RBFOX1: variants seen among roughly 807,000 people sequenced by gnomAD.
RBFOX1 encodes the protein RNA binding protein fox-1 homolog 1.
Under a neutral mutation model 57.7 loss-of-function variants are expected in RBFOX1, and 8 were observed. The ratio of observed to expected loss-of-function variants is 0.14; its 90% CI spans 0.08 to 0.25. The LOEUF is 0.25. Ranked by LOEUF, RBFOX1 falls within the 10% of genes least tolerant of loss-of-function variation. The pLI is 1.00. For synonymous variants in RBFOX1, 326 were observed against 222.4 expected, an observed-to-expected ratio of 1.47 and a Z score of -4.15; for missense variants, 611 against 548.5, an observed-to-expected ratio of 1.11 and a Z score of -1.14.
intron 2 of RBFOX1, among the ~76,000 whole-genome samples, chr16:6,486,830 C>T (rs553186958): frequency 6.6e-6 from 1 of 151,988 alleles, no homozygotes; most frequent in East Asian, 1.9e-4. Flanking sequence ...CAGTAGTCAA[C>T]AGGAGCAAAT....
chr16:6,511,970 C>G (rs1457236085), intron 2 of RBFOX1, among the ~76,000 whole-genome samples: 3 of 152,038 alleles, frequency 2.0e-5, no homozygotes, highest in African/African-American at 7.2e-5. Context: ...AGACTTACCC[C>G]TACAGGGATA....
rs377173513 is a variant in RBFOX1, at chr16:5,972,684, C to G, written c.351+105349C>G. 5.8e-4 allele frequency among the ~76,000 whole-genome samples: 89 copies of G among 152,258 alleles called. 1 individual carries two copies. The highest frequency in any genetic ancestry group is 2.0e-3 in the African/African-American group (84 of 41,554). On this transcript the variant is annotated intron_variant, in intron 4 of 19. Transcript: ENST00000641259. ...ATGTCCTGTTCATTATTTGACCTTA[C>G]GGTGGCTCAGGACCTGCCTGCCTCA...
intron 4 of RBFOX1, among the ~76,000 whole-genome samples, chr16:7,169,114 T>A (rs1344744126): frequency 6.6e-6 from 1 of 152,202 alleles, no homozygotes; most frequent in Non-Finnish European, 1.5e-5. Context: ...GCAGGAAAAA[T>A]GTGAAGTTCT....
intron 3 of RBFOX1, among the ~76,000 whole-genome samples, chr16:5,656,737 T>C (rs555513686): frequency 5.9e-5 from 9 of 152,346 alleles, no homozygotes; most frequent in African/African-American, 2.2e-4. Flanking sequence ...ACTCATTCTT[T>C]TTTATGGCTG....
At chr16:6,478,809 T>C (rs1044096169) in intron 2 of RBFOX1, among the ~76,000 whole-genome samples, 5 of 152,108 alleles carry the variant, frequency 3.3e-5, no homozygotes, top group African/African-American at 1.2e-4. Flanking sequence ...TGCCATCTTA[T>C]ATGGGCACAG....
At chr16:6,392,760 CTTTG>C in intron 2 of RBFOX1, among the ~76,000 whole-genome samples, 1 of 152,306 alleles carries the variant, frequency 6.6e-6, no homozygotes, top group East Asian at 1.9e-4. Flanking sequence ...TCCCTCCTTC[CTTTG>C]CAGGAATTAA....
intron 4 of RBFOX1, among the ~76,000 whole-genome samples, chr16:7,274,904 G>C (rs989983071): frequency 6.6e-6 from 1 of 151,834 alleles, no homozygotes; most frequent in African/African-American, 2.4e-5. Context: ...AGGCTGTCTC[G>C]AGCTCTTGGC....
chr16:5,553,970 C>CT (rs36068724), intron 2 of RBFOX1, among the ~76,000 whole-genome samples: 3,113 of 133,486 alleles, frequency 0.023, 75 homozygotes, highest in East Asian at 0.13. Context: ...AACACGTATT[C>CT]TTTTTTTTTT....
chr16:5,919,637 T>A (rs929608760), intron 4 of RBFOX1, among the ~76,000 whole-genome samples: 1 of 152,006 alleles, frequency 6.6e-6, no homozygotes, highest in Non-Finnish European at 1.5e-5. Flanking sequence ...TTATATAATA[T>A]AAAGTTAACC....
chr16:6,418,519 A>ATTTTTTTT (rs567448072), intron 2 of RBFOX1, among the ~76,000 whole-genome samples: 3 of 100,958 alleles, frequency 3.0e-5, no homozygotes, highest in African/African-American at 1.2e-4. Context: ...TGCAAGCCTT[A>ATTTTTTTT]TTTTTTTTTT....
At chr16:6,159,999 A>G (rs761559540) in intron 1 of RBFOX1, among the ~76,000 whole-genome samples, 2 of 152,124 alleles carry the variant, frequency 1.3e-5, no homozygotes, top group African/African-American at 4.8e-5. Flanking sequence ...ACCTCTTCCC[A>G]CCACAGGTCA....
rs116144069 is a variant in RBFOX1, at chr16:7,624,105, T to A, written c.677-6498T>A. Among the ~76,000 whole-genome samples the A allele has an allele frequency of 2.4e-3, 372 of 152,314 alleles. 1 individual carries two copies. The highest frequency in any genetic ancestry group is 8.5e-3 in the African/African-American group (355 of 41,562). On this transcript the variant is annotated intron_variant, in intron 10 of 15. Coordinates refer to ENST00000550418, the MANE Select transcript of RBFOX1 (RefSeq NM_018723.4). ...TAAGGTTTTTGGTAAAGGACTTAGT[T>A]GTTCTGTGCCACCTTTGTAATGCCA...
At chr16:6,274,521 G>T (rs181612867) in intron 1 of RBFOX1, among the ~76,000 whole-genome samples, 143 of 152,296 alleles carry the variant, frequency 9.4e-4, no homozygotes, top group African/African-American at 2.9e-3. Flanking sequence ...ATTGCCAGGG[G>T]TTGAGAGGAG....
intron 1 of RBFOX1, among the ~76,000 whole-genome samples, chr16:6,217,265 C>G (rs1295119365): frequency 7.4e-6 from 1 of 134,308 alleles, no homozygotes; most frequent in Admixed American, 8.8e-5. Flanking sequence ...TATTTGAGAA[C>G]AAAAATGTTG....
At chr16:6,049,116 G>A (rs1364967724) in intron 1 of RBFOX1, among the ~76,000 whole-genome samples, 2 of 142,926 alleles carry the variant, frequency 1.4e-5, no homozygotes, top group Non-Finnish European at 3.0e-5. Context: ...AGGCTGGAGT[G>A]CAATGGCATG....
chr16:7,645,894 G>A (rs2143953036), intron 11 of RBFOX1, among the ~76,000 whole-genome samples: 1 of 151,758 alleles, frequency 6.6e-6, no homozygotes, highest in South Asian at 2.1e-4. Context: ...GGCCGTTTTG[G>A]TCTTTCTATC....
chr16:6,745,008 C>G (rs997988795), intron 3 of RBFOX1, among the ~76,000 whole-genome samples: 2 of 151,932 alleles, frequency 1.3e-5, no homozygotes, highest in African/African-American at 4.8e-5. Flanking sequence ...GGCATCACTA[C>G]AGACTCTATA....
At chr16:6,395,486 C>T (rs1043215595) in intron 2 of RBFOX1, among the ~76,000 whole-genome samples, 2 of 151,780 alleles carry the variant, frequency 1.3e-5, no homozygotes, top group African/African-American at 4.8e-5. Context: ...TTGTTTTGAC[C>T]TTTTTCTCAT....
chr16:7,321,922 T>A (rs1007467544), intron 4 of RBFOX1, among the ~76,000 whole-genome samples: 8 of 152,196 alleles, frequency 5.3e-5, no homozygotes, highest in Non-Finnish European at 1.2e-4. Context: ...GTCAGCCCCT[T>A]GGCTAATCCT....
Sources: allele counts gnomAD v4.1 joint callset (sites outside exome capture counted in the v4.1 genomes callset), GRCh38; gene constraint gnomAD v4.1.1; transcripts MANE v1.5; gene names NCBI Gene and HGNC (gene_info 2026-07-23, HGNC 2026-07-21).